Variants in GRB2 observed in about 807,000 individuals in gnomAD.
GRB2 encodes the protein growth factor receptor bound protein 2.
Under a neutral mutation model 27.4 loss-of-function variants are expected in GRB2, and 2 were observed. That is an observed-to-expected ratio of 0.07 (90% CI 0.03 to 0.23). GRB2 has a LOEUF of 0.23. Among genes scored for constraint, GRB2 ranks in the 10% least tolerant of loss-of-function variants. GRB2 has a pLI of 1.00. For missense variants in GRB2, 102 were observed against 282.4 expected, an observed-to-expected ratio of 0.36 and a Z score of 4.58; for synonymous variants, 94 against 99.6, an observed-to-expected ratio of 0.94 and a Z score of 0.33.
At chr17:75,364,425 A>C (rs1481313531) in intron 2 of GRB2, among the ~76,000 whole-genome samples, 1 of 152,206 alleles carries the variant, frequency 6.6e-6, no homozygotes, top group Non-Finnish European at 1.5e-5. Context: ...TAAGGTGTAT[A>C]GGTACTATAA....
chr17:75,375,621 C>G (rs1292813546), intron 2 of GRB2, among the ~76,000 whole-genome samples: 1 of 152,186 alleles, frequency 6.6e-6, no homozygotes. Context: ...GTGGCTCACA[C>G]CTGTAATCCC....
chr17:75,377,831 CG>C (rs2078904045), intron 2 of GRB2, among the ~76,000 whole-genome samples: 2 of 151,994 alleles, frequency 1.3e-5, no homozygotes, highest in African/African-American at 4.8e-5. Context: ...TGCTTGAACC[CG>C]GGAGGCAGAG....
intron 2 of GRB2, among the ~76,000 whole-genome samples, chr17:75,370,758 G>A (rs537355279): frequency 1.1e-4 from 16 of 152,192 alleles, no homozygotes; most frequent in Non-Finnish European, 2.1e-4. Flanking sequence ...TGTAAACTAT[G>A]TAAATTAGAA....
chr17:75,327,671 T>C (rs1376107936), intron 3 of GRB2, among the ~76,000 whole-genome samples: 3 of 152,042 alleles, frequency 2.0e-5, no homozygotes, highest in African/African-American at 7.2e-5. Flanking sequence ...GCCCGGCTAA[T>C]TTACATATCT....
At position 75,391,669 on chromosome 17, in the gene GRB2, G is replaced by T. The variant is rs960816338; in HGVS notation, c.78+1882C>A. Among the ~76,000 whole-genome samples, 3 of 152,176 alleles carry T rather than the reference G, an allele frequency of 2.0e-5. No individual in the cohort carries two copies. In the South Asian group the frequency reaches 6.2e-4, roughly 32 times the overall value. ...TAAAAATTCAAAAAATTAGCCGGGC[G>T]TGGTGGCGGGCGCCTGTAGTCCCGG... On this transcript the variant is annotated intron_variant, in intron 2 of 5. Coordinates refer to ENST00000316804, the MANE Select transcript of GRB2 (RefSeq NM_002086.5).
At chr17:75,360,671 T>C (rs1476056762) in intron 2 of GRB2, among the ~76,000 whole-genome samples, 1 of 152,224 alleles carries the variant, frequency 6.6e-6, no homozygotes, top group Non-Finnish European at 1.5e-5. Flanking sequence ...CCTTGTGGCA[T>C]GGGCCCAGCT....
At chr17:75,386,567 A>ATGGGGTC (rs1309132851) in intron 2 of GRB2, among the ~76,000 whole-genome samples, 1 of 152,212 alleles carries the variant, frequency 6.6e-6, no homozygotes, top group African/African-American at 2.4e-5. Flanking sequence ...CCAGCAAAGG[A>ATGGGGTC]TGGGGTCAAT....
chr17:75,372,059 C>T (rs1166369081), intron 2 of GRB2: 1 of 152,102 alleles, frequency 6.6e-6, no homozygotes, highest in African/African-American at 2.4e-5. Context: ...AGAAATGCTG[C>T]CTCTGCTCTC....
chr17:75,329,114 A>G (rs142069457), intron 3 of GRB2, among the ~76,000 whole-genome samples: 1 of 152,024 alleles, frequency 6.6e-6, no homozygotes, highest in East Asian at 1.9e-4. Flanking sequence ...GTGAAAATCC[A>G]CACATGGCCT....
At chr17:75,355,057 C>T (rs1281225148) in intron 2 of GRB2, among the ~76,000 whole-genome samples, 1 of 152,212 alleles carries the variant, frequency 6.6e-6, no homozygotes, top group Non-Finnish European at 1.5e-5. Flanking sequence ...ATCCACCTGC[C>T]TTGGCCTCCC....
intron 2 of GRB2, among the ~76,000 whole-genome samples, chr17:75,383,970 A>G (rs2078946228): frequency 6.6e-6 from 1 of 152,130 alleles, no homozygotes; most frequent in South Asian, 2.1e-4. Flanking sequence ...CCAAAACACA[A>G]AGCCATCCCG....
chr17:75,328,734 C>A (rs187264820), intron 3 of GRB2, among the ~76,000 whole-genome samples: 137 of 152,150 alleles, frequency 9.0e-4, no homozygotes, highest in Middle Eastern at 3.4e-3. Flanking sequence ...GTCAGGAGAT[C>A]GAGACCAACC....
At chr17:75,376,640 C>A (rs1329138581) in intron 2 of GRB2, among the ~76,000 whole-genome samples, 1 of 152,074 alleles carries the variant, frequency 6.6e-6, no homozygotes, top group African/African-American at 2.4e-5. Context: ...ATTGTACCAT[C>A]CAATGAAAAG....
chr17:75,388,213 CAGCCTCCCGA>C (rs1479575416), intron 2 of GRB2, among the ~76,000 whole-genome samples: 1 of 152,106 alleles, frequency 6.6e-6, no homozygotes. Context: ...TCTCCTCCCT[CAGCCTCCCGA>C]GTAGCTGGGA....
chr17:75,390,140 T>C (rs955432818), intron 2 of GRB2, among the ~76,000 whole-genome samples: 2 of 152,164 alleles, frequency 1.3e-5, no homozygotes, highest in African/African-American at 2.4e-5. Context: ...GTTTTTAAAG[T>C]AGTTTAAGAA....
intron 1 of GRB2, chr17:75,404,804 A>C (rs952091660): frequency 6.6e-6 from 1 of 152,082 alleles, no homozygotes; most frequent in African/African-American, 2.4e-5. Context: ...AGCCTTGAAA[A>C]ACTTTCTAAA....
intron 2 of GRB2, among the ~76,000 whole-genome samples, chr17:75,346,280 G>C (rs4277384): frequency 0.6 from 90,212 of 151,510 alleles, 32,202 homozygotes; most frequent in East Asian, 0.87. Flanking sequence ...GATCACTTGA[G>C]GTCAGGAGTT....
chr17:75,330,195 AACAC>A (rs1300860744), intron 3 of GRB2, among the ~76,000 whole-genome samples: 30 of 152,112 alleles, frequency 2.0e-4, no homozygotes, highest in African/African-American at 7.2e-4. Flanking sequence ...CATCCTGACC[AACAC>A]AGTGAAACCC....
chr17:75,325,580 CA>C (rs1196053267), intron 4 of GRB2, among the ~76,000 whole-genome samples: 3 of 152,188 alleles, frequency 2.0e-5, no homozygotes, highest in Non-Finnish European at 4.4e-5. Flanking sequence ...TCCACTATCC[CA>C]TTAGAGAGAG....
Sources: gnomAD v4.1 joint callset for allele counts (sites outside exome capture counted in the v4.1 genomes callset) on GRCh38, gnomAD v4.1.1 for gene constraint, MANE v1.5 for transcripts, NCBI Gene and HGNC (gene_info 2026-07-23, HGNC 2026-07-21) for gene names.